Variants in KCNN2 observed in about 807,000 individuals in gnomAD.
The protein encoded by KCNN2 is potassium calcium-activated channel subfamily N member 2.
A neutral mutation model predicts 55.5 loss-of-function variants in KCNN2; 24 were observed. The ratio of observed to expected loss-of-function variants is 0.43; its 90% CI spans 0.31 to 0.61. The LOEUF is 0.61. Among genes scored for constraint, KCNN2 ranks in the 20% least tolerant of loss-of-function variants. The pLI is 0.08. For synonymous variants in KCNN2, 431 were observed against 336.1 expected (o/e 1.28, Z -3.09); for missense variants, 754 against 853.6 (o/e 0.88, Z 1.45).
At chr5:114,404,298 C>T in intron 2 of KCNN2, 140 bp from the exon 3 acceptor site, 2 of 641,458 alleles carry the variant, frequency 3.1e-6, no homozygotes, top group Non-Finnish European at 5.4e-6. Context: ...AAATAGTATA[C>T]CTGGCTAGCA....
At chr5:114,084,253 C>T (rs1447757500) in intron 1 of KCNN2, among the ~76,000 whole-genome samples, 2 of 152,004 alleles carry the variant, frequency 1.3e-5, no homozygotes, top group Non-Finnish European at 2.9e-5. Context: ...AAAAAAACTG[C>T]CAAACTGTCT....
chr5:114,460,955 C>T (rs1016938989), intron 3 of KCNN2, among the ~76,000 whole-genome samples: 47 of 152,108 alleles, frequency 3.1e-4, no homozygotes, highest in Non-Finnish European at 2.6e-4. Context: ...ACCATTCTTA[C>T]GATAGGGTAA....
intron 1 of KCNN2, among the ~76,000 whole-genome samples, chr5:114,134,159 C>T (rs573981546): frequency 3.4e-4 from 51 of 151,724 alleles, no homozygotes; most frequent in African/African-American, 1.2e-3. Flanking sequence ...GGGCTAAGGC[C>T]GGCTTTTTTT....
chr5:114,124,037 G>A (rs1266992266), intron 1 of KCNN2, among the ~76,000 whole-genome samples: 1 of 152,156 alleles, frequency 6.6e-6, no homozygotes, highest in Non-Finnish European at 1.5e-5. Flanking sequence ...TAATCAAGGT[G>A]TCATAAATAC....
intron 2 of KCNN2, among the ~76,000 whole-genome samples, chr5:114,368,999 A>G (rs1458489550): frequency 6.6e-6 from 1 of 152,172 alleles, no homozygotes; most frequent in Admixed American, 6.5e-5. Flanking sequence ...TAATATTAAA[A>G]TGAACATCCT....
rs1208244626 is a variant in KCNN2 at position 114,267,283 on chromosome 5, C to G, written c.-185+45718C>G. On this transcript the variant is annotated intron_variant, in intron 2 of 10. Coordinates refer to the KCNN2 transcript ENST00000512097. ...GTGTTGGGATTACAGGCGTGAGCCA[C>G]TGCGCCCGGCCCCACCTCTTTCTTA... Among the ~76,000 whole-genome samples, 4 of 152,190 alleles carry G rather than the reference C, an allele frequency of 2.6e-5. No homozygotes were observed. In the East Asian group the frequency reaches 5.8e-4, roughly 22 times the overall value.
chr5:114,122,632 T>C (rs922040964), intron 1 of KCNN2, among the ~76,000 whole-genome samples: 7 of 152,188 alleles, frequency 4.6e-5, no homozygotes, highest in African/African-American at 1.7e-4. Flanking sequence ...AATAAGATGC[T>C]CTCTGTGCTG....
chr5:114,293,180 T>C (rs1755932642), intron 2 of KCNN2, among the ~76,000 whole-genome samples: 1 of 152,220 alleles, frequency 6.6e-6, no homozygotes, highest in South Asian at 2.1e-4. Flanking sequence ...GTATACCCTT[T>C]ATTTCCTTCT....
intron 2 of KCNN2, among the ~76,000 whole-genome samples, chr5:114,252,405 G>A (rs773034344): frequency 1.1e-3 from 171 of 152,190 alleles, no homozygotes; most frequent in Middle Eastern, 3.4e-3. Context: ...TGAGGCAATA[G>A]GGAACTTTAC....
intron 2 of KCNN2, among the ~76,000 whole-genome samples, chr5:114,315,453 GTGTGTGTGTGTGTATA>G (rs372998329): frequency 0.069 from 7,912 of 115,416 alleles, 221 homozygotes; most frequent in East Asian, 0.14. Flanking sequence ...GTGTGTGTGT[GTGTGTGTGTGTGTATA>G]TATATATAAA....
At chr5:114,254,631 A>T (rs1754944917) in intron 2 of KCNN2, among the ~76,000 whole-genome samples, 1 of 152,170 alleles carries the variant, frequency 6.6e-6, no homozygotes, top group Non-Finnish European at 1.5e-5. Flanking sequence ...AATCCTAGTA[A>T]GTATATTTTA....
At position 114,191,731 on chromosome 5, in the gene KCNN2, C is replaced by T. The variant is rs1043657065; in HGVS notation, c.-270-29749C>T. 1.6e-4 allele frequency among the ~76,000 whole-genome samples: 24 copies of T among 152,028 alleles called. 1 individual carries two copies. The highest frequency in any genetic ancestry group is 5.8e-4 in the African/African-American group (24 of 41,398). On this transcript the variant is annotated intron_variant, in intron 1 of 10. Coordinates refer to the KCNN2 transcript ENST00000512097. ...GGATTAGGCATTGTGATAGAAAGACCATATTATGTGAATTTAGTGGGGATA... is the reference window on the plus strand; with the variant it reads ...GGATTAGGCATTGTGATAGAAAGACTATATTATGTGAATTTAGTGGGGATA...
At chr5:114,367,952 A>G (rs986490311) in intron 2 of KCNN2, among the ~76,000 whole-genome samples, 5 of 152,156 alleles carry the variant, frequency 3.3e-5, no homozygotes, top group African/African-American at 4.8e-5. Context: ...GGCAGATGAT[A>G]TACTTTGAAT....
chr5:114,443,687 G>A (rs1011444746), intron 3 of KCNN2, among the ~76,000 whole-genome samples: 1 of 152,238 alleles, frequency 6.6e-6, no homozygotes, highest in Non-Finnish European at 1.5e-5. Context: ...GATTTTAGAA[G>A]CTCTTAAAAT....
chr5:114,491,859 G>T (rs537810725), intron 6 of KCNN2, among the ~76,000 whole-genome samples: 2 of 152,138 alleles, frequency 1.3e-5, no homozygotes, highest in Non-Finnish European at 2.9e-5. Flanking sequence ...TCTTTTTAGG[G>T]GGTGTAGGGT....
chr5:114,115,303 A>G (rs146926498), intron 1 of KCNN2, among the ~76,000 whole-genome samples: 1 of 152,282 alleles, frequency 6.6e-6, no homozygotes, highest in East Asian at 1.9e-4. Flanking sequence ...TAAGCATTGT[A>G]TTGAATACTA....
chr5:114,138,661 G>T (rs191446464), intron 1 of KCNN2, among the ~76,000 whole-genome samples: 5 of 152,228 alleles, frequency 3.3e-5, no homozygotes, highest in African/African-American at 1.2e-4. Context: ...TAGGGCAGGG[G>T]TTCTCTCATA....
chr5:114,160,229 A>G (rs541167327), intron 1 of KCNN2, among the ~76,000 whole-genome samples: 1 of 152,304 alleles, frequency 6.6e-6, no homozygotes, highest in East Asian at 1.9e-4. Context: ...GTTTCAAAGA[A>G]CATCTTTATT....
chr5:114,444,616 T>TTTG (rs1280886818), intron 3 of KCNN2, among the ~76,000 whole-genome samples: 1 of 152,042 alleles, frequency 6.6e-6, no homozygotes, highest in East Asian at 1.9e-4. Context: ...GGATGAGACA[T>TTTG]AGGTAAAGGT....
Sources: gnomAD v4.1 joint callset for allele counts (sites outside exome capture counted in the v4.1 genomes callset) on GRCh38, gnomAD v4.1.1 for gene constraint, MANE v1.5 for transcripts, NCBI Gene and HGNC (gene_info 2026-07-23, HGNC 2026-07-21) for gene names.